The following PIK3CB variants were observed in gnomAD, a reference collection of about 807,000 sequenced individuals.
PIK3CB encodes phosphatidylinositol 4,5-bisphosphate 3-kinase catalytic subunit beta isoform.
PIK3CB carries 39 observed loss-of-function variants against 136.8 expected under a neutral mutation model. That is an observed-to-expected ratio of 0.29 (90% confidence interval 0.22 to 0.37). The LOEUF (loss-of-function observed/expected upper bound fraction) is 0.37, where lower values mean the gene tolerates loss of function less well. PIK3CB is among the 10% of genes least tolerant of loss of function. The probability of loss-of-function intolerance (pLI) is 1.00; values close to 1 mark genes in which losing one functional copy is unlikely to be tolerated. For synonymous variants in PIK3CB, 428 were observed against 436.6 expected, an observed-to-expected ratio of 0.98 and a Z score of 0.25; for missense variants, 868 against 1,275.4, an observed-to-expected ratio of 0.68 and a Z score of 4.87.
intron 8 of PIK3CB, among the ~76,000 whole-genome samples, chr3:138,726,389 G>T (rs911562882): frequency 1.3e-5 from 2 of 152,132 alleles, no homozygotes; most frequent in African/African-American, 4.8e-5. Context: ...TAAACACTAG[G>T]GGGGTGAGGG....
intron 2 of PIK3CB, among the ~76,000 whole-genome samples, chr3:138,779,930 G>A (rs527813100): frequency 6.6e-6 from 1 of 152,050 alleles, no homozygotes; most frequent in East Asian, 1.9e-4. Context: ...GCAGGTCCAA[G>A]TTCTACTGAA....
At chr3:138,790,576 G>A (rs544157372) in intron 2 of PIK3CB, among the ~76,000 whole-genome samples, 52 of 151,126 alleles carry the variant, frequency 3.4e-4, no homozygotes, top group Admixed American at 9.9e-4. Flanking sequence ...AGGCCGAAGC[G>A]GGCAGATCAT....
chr3:138,697,886 G>A (rs1483090174), intron 13 of PIK3CB, among the ~76,000 whole-genome samples: 1 of 151,702 alleles, frequency 6.6e-6, no homozygotes, highest in Non-Finnish European at 1.5e-5. Context: ...GCACATGCCA[G>A]CATGTCCAGC....
intron 7 of PIK3CB, among the ~76,000 whole-genome samples, chr3:138,734,287 T>C (rs1203977302): frequency 2.0e-5 from 3 of 152,160 alleles, no homozygotes; most frequent in Non-Finnish European, 4.4e-5. Flanking sequence ...AAATGAAATA[T>C]ACTGGTTAAT....
chr3:138,762,073 CCT>C (rs557400108), intron 2 of PIK3CB, among the ~76,000 whole-genome samples: 11 of 151,588 alleles, frequency 7.3e-5, no homozygotes, highest in Non-Finnish European at 1.3e-4. Flanking sequence ...ATGGCGAAAC[CCT>C]GTCTCTACTA....
Position 138,652,708 on chromosome 3 carries a change from C to T in PIK3CB, c.*2681G>A, listed in dbSNP as rs139249321. The T allele has an allele frequency of 5.9e-4, 123 of 207,596 alleles. No homozygotes were observed. The highest frequency in any genetic ancestry group is 2.5e-3 in the African/African-American group (112 of 43,960). The allele number at this position is 207,596 out of a possible 1,614,324, so 12.9% of individuals were successfully genotyped here. A position where few individuals can be genotyped will look rare whatever the true frequency, so the allele number is the denominator to read the frequency against. On this transcript the variant is annotated 3_prime_UTR_variant, in exon 24 of 24. Coordinates refer to ENST00000674063, the MANE Select transcript of PIK3CB (RefSeq NM_006219.3). ...GATAGCACAACAGAGTAACTATAGT[C>T]GATAATTTAATTATAGATCTTAAAA...
chr3:138,664,387 T>A (rs940054747), intron 20 of PIK3CB, among the ~76,000 whole-genome samples: 1 of 152,208 alleles, frequency 6.6e-6, no homozygotes, highest in Admixed American at 6.5e-5. Context: ...GACCAAAGAC[T>A]GACTACAATT....
intron 1 of PIK3CB, among the ~76,000 whole-genome samples, chr3:138,830,903 AAATAATAATAAT>A (rs373908245): frequency 0.018 from 2,431 of 136,954 alleles, 36 homozygotes; most frequent in African/African-American, 0.042. Flanking sequence ...CTCCGTCTCA[AAATAATAATAAT>A]AATAATAATA....
At chr3:138,740,239 G>C (rs1039895064) in intron 5 of PIK3CB, among the ~76,000 whole-genome samples, 12 of 152,120 alleles carry the variant, frequency 7.9e-5, no homozygotes, top group Non-Finnish European at 1.8e-4. Context: ...CCTGTCTATA[G>C]TCCCAGCTAC....
At chr3:138,696,457 A>G (rs544770309) in intron 13 of PIK3CB, among the ~76,000 whole-genome samples, 94 of 152,274 alleles carry the variant, frequency 6.2e-4, no homozygotes, top group African/African-American at 2.0e-3. Context: ...AAGTGCTGGG[A>G]TTACAGGCTT....
At chr3:138,803,545 G>T (rs2046199599) in intron 1 of PIK3CB, among the ~76,000 whole-genome samples, 1 of 152,056 alleles carries the variant, frequency 6.6e-6, no homozygotes, top group Non-Finnish European at 1.5e-5. Context: ...AATATATCTA[G>T]ATTGTTCATT....
At chr3:138,718,653 T>C (rs1192439982) in intron 8 of PIK3CB, among the ~76,000 whole-genome samples, 1 of 152,206 alleles carries the variant, frequency 6.6e-6, no homozygotes, top group African/African-American at 2.4e-5. Flanking sequence ...TTTGAGGTTT[T>C]ACATGTAAAG....
intron 13 of PIK3CB, among the ~76,000 whole-genome samples, chr3:138,697,908 T>C (rs1217472696): frequency 6.6e-6 from 1 of 152,072 alleles, no homozygotes; most frequent in Non-Finnish European, 1.5e-5. Context: ...AATGTTTGTA[T>C]TTTTTGTAGA....
intron 4 of PIK3CB, among the ~76,000 whole-genome samples, chr3:138,753,321 G>C (rs1410837203): frequency 6.6e-6 from 1 of 151,778 alleles, no homozygotes; most frequent in East Asian, 1.9e-4. Context: ...AGGAGTTTGA[G>C]ACCAGCCTGT....
rs552794810 is a variant in PIK3CB, at chr3:138,738,868, A to G, written c.622-982T>C. The stretch of plus-strand genomic sequence containing the variant: ...CATCAATTCCATAATATTTTCCACT[A>G]ATTTAATTTAAATAAATCACTCCCC... On this transcript the variant is annotated intron_variant, in intron 5 of 23. Transcript: ENST00000674063. Among the ~76,000 whole-genome samples the G allele has an allele frequency of 8.5e-5, 13 of 152,296 alleles. No individual in the cohort carries two copies. The South Asian group carries it at 2.5e-3, about 29-fold the overall frequency.
intron 2 of PIK3CB, among the ~76,000 whole-genome samples, chr3:138,780,478 C>T (rs1299497944): frequency 1.3e-5 from 2 of 151,806 alleles, no homozygotes; most frequent in African/African-American, 4.8e-5. Context: ...ACCATTTTGG[C>T]CACAATGGTT....
chr3:138,729,800 A>T (rs1314500318), intron 8 of PIK3CB, among the ~76,000 whole-genome samples: 1 of 152,070 alleles, frequency 6.6e-6, no homozygotes, highest in Non-Finnish European at 1.5e-5. Context: ...TAAATCTTCT[A>T]TATTTTTTGC....
At position 138,792,355 on chromosome 3, in the gene PIK3CB, C is replaced by T. The variant is rs1187476462; in HGVS notation, c.-17+4108G>A. On this transcript the variant is annotated intron_variant, in intron 2 of 23. Transcript: ENST00000674063. ...TTGTATTAGGTATTATAATTTTTTT[C>T]ATTTTCCAGGTTACCATTGAGATAA... Among the ~76,000 whole-genome samples the T allele has an allele frequency of 1.9e-4, 27 of 142,360 alleles. No individual in the cohort carries two copies. The East Asian group carries it at 5.1e-3, about 27-fold the overall frequency. 93.4% of individuals were successfully genotyped at this position (142,360 alleles called of 152,430 possible).
intron 16 of PIK3CB, among the ~76,000 whole-genome samples, chr3:138,686,582 T>C (rs1373636162): frequency 6.6e-6 from 1 of 152,132 alleles, no homozygotes; most frequent in Non-Finnish European, 1.5e-5. Context: ...ATTTTACAAG[T>C]ATATCATTAA....
Sources: allele counts gnomAD v4.1 joint callset (sites outside exome capture counted in the v4.1 genomes callset), GRCh38; gene constraint gnomAD v4.1.1; transcripts MANE v1.5; gene names NCBI Gene and HGNC (gene_info 2026-07-23, HGNC 2026-07-21).